AK5: variants seen among roughly 807,000 people sequenced by gnomAD.
The protein encoded by AK5 is adenylate kinase isoenzyme 5.
AK5 carries 27 observed loss-of-function variants against 69.5 expected under a neutral mutation model. That is an observed-to-expected ratio of 0.39 (90% confidence interval 0.29 to 0.54). The LOEUF (loss-of-function observed/expected upper bound fraction) is 0.54, where lower values mean the gene tolerates loss of function less well. AK5 is among the 20% of genes least tolerant of loss of function. AK5 has a pLI of 0.71. For synonymous variants in AK5, 260 were observed against 244.4 expected, an observed-to-expected ratio of 1.06 and a Z score of -0.60; for missense variants, 531 against 700.4, an observed-to-expected ratio of 0.76 and a Z score of 2.73.
intron 6 of AK5, among the ~76,000 whole-genome samples, chr1:77,398,149 T>C (rs1178362381): frequency 6.6e-6 from 1 of 151,808 alleles, no homozygotes; most frequent in Non-Finnish European, 1.5e-5. Flanking sequence ...AAAGGATGAA[T>C]CACATGGACT....
chr1:77,520,989 A>G (rs1410583453), intron 11 of AK5, among the ~76,000 whole-genome samples: 1 of 152,178 alleles, frequency 6.6e-6, no homozygotes, highest in Non-Finnish European at 1.5e-5. Flanking sequence ...CTCCTACTTC[A>G]TTTACCATAG....
intron 8 of AK5, among the ~76,000 whole-genome samples, chr1:77,449,796 A>G (rs1479566083): frequency 6.6e-6 from 1 of 152,080 alleles, no homozygotes; most frequent in Non-Finnish European, 1.5e-5. Context: ...CATTTTCCCC[A>G]TTGTCTTGGG....
intron 13 of AK5, among the ~76,000 whole-genome samples, chr1:77,551,893 G>A (rs545349747): frequency 4.6e-5 from 7 of 152,166 alleles, no homozygotes; most frequent in African/African-American, 1.7e-4. Flanking sequence ...CAGGCACGGG[G>A]GGATACTACA....
At chr1:77,497,562 A>G (rs1193927744) in intron 10 of AK5, among the ~76,000 whole-genome samples, 1 of 152,216 alleles carries the variant, frequency 6.6e-6, no homozygotes, top group Non-Finnish European at 1.5e-5. Flanking sequence ...TGCAGAAGAA[A>G]TAGAGTTTGA....
chr1:77,446,080 C>G (rs1175147114), intron 8 of AK5, among the ~76,000 whole-genome samples: 1 of 152,124 alleles, frequency 6.6e-6, no homozygotes, highest in Non-Finnish European at 1.5e-5. Context: ...TTTTGGGTCT[C>G]TTATCCATTT....
At position 77,400,076 on chromosome 1, in the gene AK5, C is replaced by A. The variant is rs115962840; in HGVS notation, c.892-10905C>A. 3.1e-3 allele frequency among the ~76,000 whole-genome samples: 477 copies of A among 152,322 alleles called. 3 individuals carry two copies. The highest frequency in any genetic ancestry group is 0.011 in the African/African-American group (455 of 41,564). ...GCATCATGCAGAGAAACAGAATCACCTACTAAGGTCCCCAAATGGGGAAGA... is the reference window on the plus strand; with the variant it reads ...GCATCATGCAGAGAAACAGAATCACATACTAAGGTCCCCAAATGGGGAAGA... On this transcript the variant is annotated intron_variant, in intron 6 of 13. Transcript: ENST00000354567.
intron 6 of AK5, among the ~76,000 whole-genome samples, chr1:77,398,008 C>T (rs550135571): frequency 2.0e-5 from 3 of 152,290 alleles, no homozygotes; most frequent in African/African-American, 7.2e-5. Context: ...AGATGCATTC[C>T]CCTTAGTTTT....
At chr1:77,440,964 G>C (rs1274425233) in intron 8 of AK5, among the ~76,000 whole-genome samples, 1 of 152,170 alleles carries the variant, frequency 6.6e-6, no homozygotes, top group Non-Finnish European at 1.5e-5. Context: ...GGCCAGGCTG[G>C]TCTCCAACTC....
intron 7 of AK5, among the ~76,000 whole-genome samples, chr1:77,416,470 A>G (rs1376916244): frequency 2.0e-5 from 3 of 152,232 alleles, no homozygotes; most frequent in Non-Finnish European, 4.4e-5. Flanking sequence ...GTCCATTTTG[A>G]AAAACTTTAT....
chr1:77,358,033 GAGAGAGAC>G (rs1293852909), intron 6 of AK5, among the ~76,000 whole-genome samples: 2 of 151,502 alleles, frequency 1.3e-5, no homozygotes, highest in African/African-American at 4.9e-5. Flanking sequence ...GAGAGAGAGA[GAGAGAGAC>G]AGAGAGATCA....
chr1:77,455,518 G>T (rs2100664840), intron 8 of AK5, among the ~76,000 whole-genome samples: 1 of 152,252 alleles, frequency 6.6e-6, no homozygotes, highest in Middle Eastern at 3.4e-3. Context: ...TGAGGGCACA[G>T]CCAGAAGGCA....
At chr1:77,434,107 CATAA>C (rs144552494) in intron 8 of AK5, among the ~76,000 whole-genome samples, 41,992 of 143,110 alleles carry the variant, frequency 0.29, 6,235 homozygotes, top group South Asian at 0.4. Context: ...GAGTGCAAAG[CATAA>C]ATAAATAAAT....
At chr1:77,461,817 A>G (rs1246728244) in intron 8 of AK5, among the ~76,000 whole-genome samples, 2 of 152,048 alleles carry the variant, frequency 1.3e-5, no homozygotes, top group Non-Finnish European at 1.5e-5. Flanking sequence ...TAGTGACTAT[A>G]GTTAGCAAAG....
chr1:77,478,366 C>T (rs1450335248), intron 8 of AK5, among the ~76,000 whole-genome samples: 6 of 152,078 alleles, frequency 3.9e-5, no homozygotes, highest in South Asian at 2.1e-4. Flanking sequence ...ATCATGGGGG[C>T]GGGTCTTTCC....
At chr1:77,353,164 C>T (rs1662303465) in intron 6 of AK5, among the ~76,000 whole-genome samples, 1 of 152,164 alleles carries the variant, frequency 6.6e-6, no homozygotes, top group African/African-American at 2.4e-5. Context: ...TCACTCACCT[C>T]TGTCATGTAG....
At chr1:77,475,462 A>AT (rs1175122522) in intron 8 of AK5, among the ~76,000 whole-genome samples, 150 of 4,176 alleles carry the variant, frequency 0.036, 4 homozygotes, top group Non-Finnish European at 0.075. Flanking sequence ...ATACAAATAT[A>AT]TATTATATAT....
intron 5 of AK5, among the ~76,000 whole-genome samples, chr1:77,309,201 TAACA>T (rs1355822415): frequency 6.6e-6 from 1 of 151,860 alleles, no homozygotes; most frequent in South Asian, 2.1e-4. Flanking sequence ...TGTACCTGTG[TAACA>T]AACCTGCACA....
chr1:77,490,677 T>A (rs1444465527), intron 10 of AK5, among the ~76,000 whole-genome samples: 1 of 152,066 alleles, frequency 6.6e-6, no homozygotes, highest in Non-Finnish European at 1.5e-5. Flanking sequence ...AAACTGAAAA[T>A]TATTTGGAAA....
At chr1:77,481,095 C>A (rs117403308) in intron 8 of AK5, among the ~76,000 whole-genome samples, 1,554 of 152,306 alleles carry the variant, frequency 0.01, 35 homozygotes, top group East Asian at 0.079. Flanking sequence ...AGTTCGGTGG[C>A]TGGGTGCCTG....
Sources: allele counts gnomAD v4.1 joint callset (sites outside exome capture counted in the v4.1 genomes callset), GRCh38; gene constraint gnomAD v4.1.1; transcripts MANE v1.5; gene names NCBI Gene and HGNC (gene_info 2026-07-23, HGNC 2026-07-21).